AGBL4: variants seen among roughly 807,000 people sequenced by gnomAD.
AGBL4 encodes cytosolic carboxypeptidase 6.
AGBL4 carries 58 observed loss-of-function variants against 66.4 expected under a neutral mutation model. The ratio of observed to expected loss-of-function variants is 0.87; its 90% CI spans 0.71 to 1.09. The LOEUF is 1.09. Ranked by LOEUF, AGBL4 falls within the 50% of genes least tolerant of loss-of-function variation. AGBL4 has a pLI of 0.00. For missense variants in AGBL4, 579 were observed against 631.0 expected, an observed-to-expected ratio of 0.92 and a Z score of 0.88; for synonymous variants, 234 against 222.9, an observed-to-expected ratio of 1.05 and a Z score of -0.44.
chr1:49,032,471 G>A lies in AGBL4; in HGVS notation c.594+13113C>T, dbSNP rs1664310700. ...CTTTTCATATAATCTCTTTTTATAA[G>A]GGAGGGGAAATAATGATCTCAAAGC... On this transcript the variant is annotated intron_variant, in intron 5 of 13. Transcript: ENST00000371839. Among the ~76,000 whole-genome samples the A allele has an allele frequency of 3.9e-5, 6 of 152,114 alleles. No individual in the cohort carries two copies. The South Asian group carries it at 1.2e-3, about 31-fold the overall frequency.
Position 48,769,570 on chromosome 1 carries a change from C to CACACA in AGBL4, c.634+97620_634+97621insTGTGT, listed in dbSNP as rs34256470. 8.9e-3 allele frequency among the ~76,000 whole-genome samples: 1,270 copies of CACACA among 142,334 alleles called. 14 individuals are homozygous for CACACA. The highest frequency in any genetic ancestry group is 0.027 in the African/African-American group (928 of 34,370). 93.4% of individuals were successfully genotyped at this position (142,334 alleles called of 152,430 possible). The stretch of plus-strand genomic sequence containing the variant: ...ACACACACACACACACACACACACA[C>CACACA]AAGTTAAATTTTAAACTTGTATGCT... On this transcript the variant is annotated intron_variant, in intron 6 of 13. Transcript: ENST00000371839.
Position 48,533,948 on chromosome 1 carries a change from G to T in AGBL4, c.*225C>A. 1 of 618,746 alleles carries T rather than the reference G, an allele frequency of 1.6e-6. No individual in the cohort carries two copies. The highest frequency in any genetic ancestry group is 2.8e-6 in the Non-Finnish European group (1 of 359,762). 38.3% of individuals were successfully genotyped at this position (618,746 alleles called of 1,614,324 possible). A position where few individuals can be genotyped will look rare whatever the true frequency, so the allele number is the denominator to read the frequency against. ...ATAGCATCTGTGCTCACCTGGTTCC[G>T]ATCTCCTATTTTGTTCCTGAGCTTT... On this transcript the variant is annotated 3_prime_UTR_variant, in exon 14 of 14. Coordinates refer to ENST00000371839, the MANE Select transcript of AGBL4 (RefSeq NM_032785.4).
chr1:49,009,436 T>C (rs1251672543), intron 5 of AGBL4, among the ~76,000 whole-genome samples: 2 of 149,898 alleles, frequency 1.3e-5, no homozygotes, highest in African/African-American at 4.9e-5. Context: ...CACAGCCGAA[T>C]TCTACCAGAG....
At chr1:48,638,227 CCTT>C (rs755353212) in intron 8 of AGBL4, among the ~76,000 whole-genome samples, 38 of 152,186 alleles carry the variant, frequency 2.5e-4, no homozygotes, top group Non-Finnish European at 4.6e-4. Context: ...CTTCCTCCAT[CCTT>C]CTCAGCGTTG....
chr1:49,424,318 C>T (rs1645611764), intron 3 of AGBL4, among the ~76,000 whole-genome samples: 1 of 152,132 alleles, frequency 6.6e-6, no homozygotes, highest in South Asian at 2.1e-4. Context: ...GATTTTTCCC[C>T]TCCTCCGCTC....
chr1:49,521,532 A>T (rs752040988), intron 3 of AGBL4, among the ~76,000 whole-genome samples: 3 of 152,072 alleles, frequency 2.0e-5, no homozygotes, highest in Non-Finnish European at 4.4e-5. Context: ...AAAAATCAAC[A>T]AAAATAAGCA....
intron 3 of AGBL4, among the ~76,000 whole-genome samples, chr1:49,510,689 T>C (rs990465180): frequency 7.9e-5 from 12 of 151,512 alleles, no homozygotes; most frequent in Admixed American, 7.2e-4. Context: ...AATGCCTAGG[T>C]TTTCTTCTAG....
rs544490368 is a variant in AGBL4 at position 49,274,213 on chromosome 1, C to G, written c.283-28349G>C. On this transcript the variant is annotated intron_variant, in intron 3 of 13. Coordinates refer to ENST00000371839, the MANE Select transcript of AGBL4 (RefSeq NM_032785.4). Reference sequence around the variant, plus strand: ...ACTGTTTTAAATCTTTGATATTTGACATACTTCTCACAGTCATATTTCAAA... The same window carrying G: ...ACTGTTTTAAATCTTTGATATTTGAGATACTTCTCACAGTCATATTTCAAA... Among the ~76,000 whole-genome samples the G allele has an allele frequency of 2.6e-4, 40 of 152,274 alleles. No individual in the cohort carries two copies. In the South Asian group the frequency reaches 8.3e-3, roughly 32 times the overall value.
intron 4 of AGBL4, among the ~76,000 whole-genome samples, chr1:49,065,863 T>C (rs1024116341): frequency 1.3e-5 from 2 of 152,200 alleles, no homozygotes; most frequent in Non-Finnish European, 2.9e-5. Context: ...CTGAGAGTTC[T>C]AGGAGGAATC....
intron 3 of AGBL4, among the ~76,000 whole-genome samples, chr1:49,509,374 C>G (rs775153845): frequency 2.0e-5 from 3 of 151,728 alleles, no homozygotes; most frequent in Non-Finnish European, 4.4e-5. Flanking sequence ...ATTTTATTTA[C>G]CTGTGGAGGT....
chr1:49,557,467 G>T (rs2883931), intron 3 of AGBL4, among the ~76,000 whole-genome samples: 1 of 152,066 alleles, frequency 6.6e-6, no homozygotes, highest in Non-Finnish European at 1.5e-5. Flanking sequence ...GTCTCTGGGC[G>T]CTGGGGAAGG....
intron 3 of AGBL4, among the ~76,000 whole-genome samples, chr1:49,287,508 A>C (rs1644441895): frequency 6.6e-6 from 1 of 151,094 alleles, no homozygotes; most frequent in Non-Finnish European, 1.5e-5. Context: ...AACTCAAACA[A>C]ATTTACAAGA....
At chr1:48,949,374 A>G (rs1019549185) in intron 5 of AGBL4, among the ~76,000 whole-genome samples, 6 of 152,238 alleles carry the variant, frequency 3.9e-5, no homozygotes, top group Admixed American at 1.3e-4. Flanking sequence ...ATAGATTCTG[A>G]GCAGATGGGT....
chr1:48,775,900 C>T (rs538739638), intron 6 of AGBL4, among the ~76,000 whole-genome samples: 4 of 152,176 alleles, frequency 2.6e-5, no homozygotes, highest in African/African-American at 9.7e-5. Context: ...ATTCAGGGAG[C>T]CTTCTGGGAG....
intron 9 of AGBL4, among the ~76,000 whole-genome samples, chr1:48,608,853 A>C (rs1645193227): frequency 6.6e-6 from 1 of 152,214 alleles, no homozygotes; most frequent in African/African-American, 2.4e-5. Context: ...CCGAGAGATC[A>C]ATAGCTAGAT....
chr1:48,709,457 T>C (rs1043616556), intron 6 of AGBL4, among the ~76,000 whole-genome samples: 7 of 152,156 alleles, frequency 4.6e-5, no homozygotes, highest in Non-Finnish European at 8.8e-5. Flanking sequence ...AAATAGTTAT[T>C]TGAGAGGCAG....
At chr1:48,636,536 C>CA in intron 8 of AGBL4, among the ~76,000 whole-genome samples, 1 of 152,356 alleles carries the variant, frequency 6.6e-6, no homozygotes, top group East Asian at 1.9e-4. Flanking sequence ...ACCTGATTCT[C>CA]AGAGTCCAAA....
chr1:49,272,174 T>C (rs189409319), intron 3 of AGBL4, among the ~76,000 whole-genome samples: 19 of 152,318 alleles, frequency 1.2e-4, no homozygotes, highest in Admixed American at 1.0e-3. Flanking sequence ...ATAAAACTGT[T>C]GTGTAGCCCA....
rs140283787 is a variant in AGBL4, at chr1:49,149,986, A to G, written c.377+95784T>C. ...AAGTATCTTCTCTACACATTATTCT[A>G]CATCTTCATCTAAATTCATGGACCT... On this transcript the variant is annotated intron_variant, in intron 4 of 13. Coordinates refer to ENST00000371839, the MANE Select transcript of AGBL4 (RefSeq NM_032785.4). Among the ~76,000 whole-genome samples, 32 of 152,322 alleles carry G rather than the reference A, an allele frequency of 2.1e-4. 1 individual carries two copies. The East Asian group carries it at 6.0e-3, about 28-fold the overall frequency.
Sources: gnomAD v4.1 joint callset for allele counts (sites outside exome capture counted in the v4.1 genomes callset) on GRCh38, gnomAD v4.1.1 for gene constraint, MANE v1.5 for transcripts, NCBI Gene and HGNC (gene_info 2026-07-23, HGNC 2026-07-21) for gene names.